Variants in RPL26L1 observed in about 807,000 individuals in gnomAD.
RPL26L1 encodes the protein ribosomal protein L26 like 1, also known as ribosomal protein uL24-like.
RPL26L1 carries 8 observed loss-of-function variants against 15.2 expected under a neutral mutation model. The observed-to-expected ratio is 0.53, with a 90% CI of 0.31 to 0.95. The LOEUF (loss-of-function observed/expected upper bound fraction) is 0.95. Ranked by LOEUF, RPL26L1 falls within the 40% of genes least tolerant of loss-of-function variation. The pLI, the probability that RPL26L1 is intolerant of heterozygous loss-of-function variation, is 0.05. For missense variants in RPL26L1, 146 were observed against 190.9 expected (o/e 0.76, Z 1.39); for synonymous variants, 51 against 65.9 (o/e 0.77, Z 1.09).
chr5:172,955,141 T>C, upstream of RPL26L1: 1 of 371,182 alleles, frequency 2.7e-6, no homozygotes, highest in East Asian at 7.4e-5. Context: ...TTTTTTTTTT[T>C]TTTTTTTTTT....
At chr5:172,955,625 T>C (rs750198694), upstream of RPL26L1, 1 of 152,672 alleles carries the variant, frequency 6.5e-6, no homozygotes, top group Non-Finnish European at 1.5e-5. Context: ...GAATACTCAC[T>C]GGAGACCCTT....
At chr5:172,969,376 A>G (rs772399325) in intron 3 of RPL26L1, 37 bp from the exon 4 acceptor site, 1 of 1,606,044 alleles carries the variant, frequency 6.2e-7, no homozygotes, top group Non-Finnish European at 8.5e-7. Flanking sequence ...GCTGGTGGGG[A>G]TGCAGAAATA....
chr5:172,959,268 A>G (rs1755118475), upstream of RPL26L1: 10 of 547,694 alleles, frequency 1.8e-5, no homozygotes, highest in Non-Finnish European at 2.3e-5. Flanking sequence ...CAGGCCCTAC[A>G]CAAGCAGGCC....
At chr5:172,954,859 G>A, upstream of RPL26L1, 1 of 445,808 alleles carries the variant, frequency 2.2e-6, no homozygotes. Context: ...GTGGATTACA[G>A]TGGTTTCATA....
upstream of RPL26L1, chr5:172,958,077 C>G: frequency 3.5e-6 from 1 of 282,860 alleles, no homozygotes; most frequent in Non-Finnish European, 7.2e-6. Context: ...CCAGCCTGAC[C>G]AACATGGAGA....
At chr5:172,959,656 C>T in intron 1 of RPL26L1, 188 bp downstream of exon 1, 1 of 1,180,704 alleles carries the variant, frequency 8.5e-7, no homozygotes, top group Non-Finnish European at 1.1e-6. Flanking sequence ...CCCCCACGAC[C>T]CCTTTAGACG....
upstream of RPL26L1, among the ~76,000 whole-genome samples, chr5:172,956,389 C>G (rs1754978199): frequency 6.6e-6 from 1 of 152,106 alleles, no homozygotes; most frequent in Non-Finnish European, 1.5e-5. Context: ...TATTGAGCAT[C>G]TAATGGTAGA....
At chr5:172,961,754 C>T (rs1342700478) in intron 2 of RPL26L1, among the ~76,000 whole-genome samples, 1 of 152,238 alleles carries the variant, frequency 6.6e-6, no homozygotes, top group Non-Finnish European at 1.5e-5. Context: ...GTTCTTAGAG[C>T]TTTAAATGTC....
intron 2 of RPL26L1, among the ~76,000 whole-genome samples, chr5:172,962,175 C>T (rs1329785557): frequency 1.3e-5 from 2 of 152,186 alleles, no homozygotes; most frequent in African/African-American, 2.4e-5. Flanking sequence ...TGTCCATTTT[C>T]CACAGAGTGG....
chr5:172,969,268 A>G, intron 3 of RPL26L1, 145 bp from the exon 4 acceptor site: 1 of 728,772 alleles, frequency 1.4e-6, no homozygotes, highest in East Asian at 2.7e-5. Flanking sequence ...CCTATTTTGT[A>G]TTGTGTTACA....
At chr5:172,959,593 C>T in intron 1 of RPL26L1, 125 bp downstream of exon 1, 1 of 1,225,694 alleles carries the variant, frequency 8.2e-7, no homozygotes. Context: ...CCACCCATTC[C>T]TGCCTAACCC....
intron 2 of RPL26L1, among the ~76,000 whole-genome samples, chr5:172,962,296 C>A (rs1188905374): frequency 6.6e-6 from 1 of 151,570 alleles, no homozygotes. Flanking sequence ...CCCCTGAGCT[C>A]AGGAGTTTGA....
upstream of RPL26L1, chr5:172,959,407 G>T: frequency 1.0e-6 from 1 of 1,004,752 alleles, no homozygotes; most frequent in Non-Finnish European, 1.2e-6. Flanking sequence ...TTCTGCGCTT[G>T]CGCGGCACGG....
In RPL26L1 at chr5:172,968,463, T is replaced by G; in HGVS notation, c.173T>G (p.Val58Gly). 2.5e-6 allele frequency: 4 copies of G among 1,613,734 alleles called. No homozygotes were observed. Among genetic ancestry groups the G allele is most frequent in the Non-Finnish European group, 3.4e-6 (4 of 1,179,902 alleles). ...PIRKDDEVQV[V>G]RGHYKGQQIG... ...CTCTTTTGTATTTTCTCTTAGGTAGTTCGAGGACACTACAAAGGTCAGCAA... is the reference window on the plus strand; with the variant it reads ...CTCTTTTGTATTTTCTCTTAGGTAGGTCGAGGACACTACAAAGGTCAGCAA... The change falls in exon 3 of 4, where the codon GTT (valine) becomes GGT (glycine). Residue 58 changes from valine (V) to glycine (G), a missense_variant. Transcript: ENST00000265100.
At chr5:172,954,970 A>AGGT (rs56746501), upstream of RPL26L1, 160,732 of 455,342 alleles carry the variant, frequency 0.35, 31,919 homozygotes, top group East Asian at 0.71. Flanking sequence ...TTCCCTGGGA[A>AGGT]GTTGCGGAAG....
chr5:172,967,351 G>T (rs959040719), intron 2 of RPL26L1, among the ~76,000 whole-genome samples: 8 of 152,204 alleles, frequency 5.3e-5, no homozygotes, highest in African/African-American at 1.7e-4. Context: ...TATAATCCCA[G>T]CTACTTGGGA....
intron 2 of RPL26L1, among the ~76,000 whole-genome samples, chr5:172,963,368 G>C (rs1360578732): frequency 1.3e-4 from 13 of 101,200 alleles, no homozygotes; most frequent in Non-Finnish European, 2.5e-4. Flanking sequence ...AGTAAAACTC[G>C]GTCTCAAAAA....
At chr5:172,960,100 T>TGG in intron 2 of RPL26L1, 59 bp downstream of exon 2, 1 of 1,595,868 alleles carries the variant, frequency 6.3e-7, no homozygotes, top group Non-Finnish European at 8.6e-7. Context: ...ACGTCATGCG[T>TGG]GGAGCAGTCA....
chr5:172,962,878 C>T (rs1755296366), intron 2 of RPL26L1, among the ~76,000 whole-genome samples: 1 of 148,654 alleles, frequency 6.7e-6, no homozygotes, highest in Admixed American at 6.7e-5. Flanking sequence ...CTGACCTGTA[C>T]ATTTTACTGT....
Sources: allele counts gnomAD v4.1 joint callset (sites outside exome capture counted in the v4.1 genomes callset), GRCh38; gene constraint gnomAD v4.1.1; transcripts MANE v1.5; gene names NCBI Gene and HGNC (gene_info 2026-07-23, HGNC 2026-07-21).